Variants in UBE2D3 observed in about 807,000 individuals in gnomAD.
The protein encoded by UBE2D3 is ubiquitin conjugating enzyme E2 D3, also known as ubiquitin-conjugating enzyme E2 D3.
Under a neutral mutation model 22.8 loss-of-function variants are expected in UBE2D3, and 2 were observed. That is an observed-to-expected ratio of 0.09 (90% CI 0.04 to 0.28). UBE2D3 has a LOEUF of 0.28. UBE2D3 is among the 10% of genes least tolerant of loss of function. The probability of loss-of-function intolerance (pLI) is 1.00; values close to 1 mark genes in which losing one functional copy is unlikely to be tolerated. For missense variants in UBE2D3, 27 were observed against 182.5 expected, an observed-to-expected ratio of 0.15 and a Z score of 4.91; for synonymous variants, 56 against 60.4, an observed-to-expected ratio of 0.93 and a Z score of 0.34.
At chr4:102,857,585 A>T (rs183330570) in intron 1 of UBE2D3, among the ~76,000 whole-genome samples, 127 of 152,364 alleles carry the variant, frequency 8.3e-4, no homozygotes, top group African/African-American at 2.8e-3. Context: ...TAAAGTTAAC[A>T]TGACACAGAG....
upstream of UBE2D3, among the ~76,000 whole-genome samples, chr4:102,832,292 G>A (rs1578278388): frequency 1.3e-5 from 2 of 152,300 alleles, no homozygotes; most frequent in South Asian, 2.1e-4. Context: ...GCAGTATTGC[G>A]AGGTTGAGGT....
chr4:102,813,352 A>G (rs541677749), intron 2 of UBE2D3, among the ~76,000 whole-genome samples: 3 of 152,302 alleles, frequency 2.0e-5, no homozygotes, highest in Admixed American at 2.0e-4. Context: ...ATGTACAGCA[A>G]TTTGTTGAAC....
intron 1 of UBE2D3, among the ~76,000 whole-genome samples, chr4:102,868,072 C>CTT (rs11418599): frequency 0.028 from 3,271 of 115,196 alleles, 351 homozygotes; most frequent in African/African-American, 0.1. Context: ...GCTTTAGATT[C>CTT]TTTTTTTTTT....
At chr4:102,825,859 C>T in intron 2 of UBE2D3, 1 of 448,300 alleles carries the variant, frequency 2.2e-6, no homozygotes, top group South Asian at 1.6e-5. Context: ...AAAGCTGCAA[C>T]TACAAAATAC....
At chr4:102,838,431 A>G (rs1731545667) in intron 1 of UBE2D3, among the ~76,000 whole-genome samples, 1 of 152,132 alleles carries the variant, frequency 6.6e-6, no homozygotes, top group Admixed American at 6.5e-5. Flanking sequence ...CACAGATCAG[A>G]TCTCTGCCTG....
intron 1 of UBE2D3, among the ~76,000 whole-genome samples, chr4:102,845,342 T>A (rs1303696445): frequency 1.3e-5 from 2 of 152,208 alleles, no homozygotes; most frequent in Non-Finnish European, 2.9e-5. Context: ...ACTGGAAGTA[T>A]CTGGGGAACT....
In UBE2D3 at chr4:102,804,009, TC is replaced by T. The variant is rs1362899758; in HGVS notation, c.121-1372del. Among the ~76,000 whole-genome samples the T allele has an allele frequency of 3.3e-5, 5 of 152,236 alleles. No homozygotes were observed. The East Asian group carries it at 9.7e-4, about 30-fold the overall frequency. On this transcript the variant is annotated intron_variant, in intron 4 of 7. Coordinates refer to ENST00000453744, the MANE Select transcript of UBE2D3 (RefSeq NM_181891.3). ...GTCTTGCGGCCTCCTGACCTTGTGA[TC>T]CACCCATCTCGGCCTCCCAAAATGT...
chr4:102,820,065 C>A (rs1729357587), intron 2 of UBE2D3, among the ~76,000 whole-genome samples: 1 of 152,088 alleles, frequency 6.6e-6, no homozygotes, highest in Non-Finnish European at 1.5e-5. Flanking sequence ...GAGTAAGTGC[C>A]TTAAGAAATT....
At chr4:102,805,951 T>C (rs1343811285) in intron 4 of UBE2D3, among the ~76,000 whole-genome samples, 1 of 152,204 alleles carries the variant, frequency 6.6e-6, no homozygotes, top group Non-Finnish European at 1.5e-5. Context: ...AGTTATCAAG[T>C]AAGATCTTTA....
intron 2 of UBE2D3, among the ~76,000 whole-genome samples, chr4:102,821,963 T>C (rs1053624607): frequency 2.0e-5 from 3 of 151,552 alleles, no homozygotes; most frequent in African/African-American, 7.3e-5. Flanking sequence ...ATCTGAAACA[T>C]TTTTTTATCT....
intron 1 of UBE2D3, among the ~76,000 whole-genome samples, chr4:102,864,891 G>C (rs994025329): frequency 2.0e-5 from 3 of 152,176 alleles, no homozygotes; most frequent in Non-Finnish European, 2.9e-5. Flanking sequence ...CCTGATTTGA[G>C]ATAAGTGACA....
intron 4 of UBE2D3, among the ~76,000 whole-genome samples, chr4:102,804,902 C>CT (rs1726790503): frequency 6.6e-6 from 1 of 152,082 alleles, no homozygotes; most frequent in East Asian, 1.9e-4. Context: ...AGAGGCTGGT[C>CT]TCAAACTGCT....
chr4:102,804,480 T>C lies in UBE2D3; in HGVS notation c.121-1842A>G, dbSNP rs1183779819. 3.3e-5 allele frequency among the ~76,000 whole-genome samples: 5 copies of C among 152,006 alleles called. No homozygotes were observed. The East Asian group carries it at 7.7e-4, about 24-fold the overall frequency. On this transcript the variant is annotated intron_variant, in intron 4 of 7. Coordinates refer to ENST00000453744, the MANE Select transcript of UBE2D3 (RefSeq NM_181891.3). ...GTCCTTTTTCATATTTTCTACAAAA[T>C]ATGGAACTAGAAAAACACTCAGGTC...
intron 2 of UBE2D3, among the ~76,000 whole-genome samples, chr4:102,823,425 C>G (rs1400447307): frequency 6.6e-6 from 1 of 152,076 alleles, no homozygotes; most frequent in African/African-American, 2.4e-5. Flanking sequence ...AACCCTTTAC[C>G]CATGGTTTCC....
At chr4:102,865,674 C>T (rs929837879) in intron 1 of UBE2D3, among the ~76,000 whole-genome samples, 2 of 151,996 alleles carry the variant, frequency 1.3e-5, no homozygotes, top group African/African-American at 4.8e-5. Flanking sequence ...GAATTAGACT[C>T]CTAGAATTAA....
rs1725158567 is a variant in UBE2D3 at position 102,795,278 on chromosome 4, CAGTT to C, written c.*2133_*2136del. On this transcript the variant is annotated 3_prime_UTR_variant, in exon 8 of 8. Coordinates refer to ENST00000453744, the MANE Select transcript of UBE2D3 (RefSeq NM_181891.3). ...AGGCTATAAAGGTCAATTTGAAAGC[CAGTT>C]AGGGATCCACCGTGTTTCATAAAAG... 1 of 152,112 alleles carries C rather than the reference CAGTT, an allele frequency of 6.6e-6. No homozygotes were observed. The highest frequency in any genetic ancestry group is 1.9e-4 in the East Asian group (1 of 5,184). The allele number at this position is 152,112 out of a possible 1,614,324, so 9.4% of individuals were successfully genotyped here.
chr4:102,845,054 C>G lies in UBE2D3; in HGVS notation c.-128-18418G>C, dbSNP rs560331240. On this transcript the variant is annotated intron_variant, in intron 1 of 7. Transcript: ENST00000338145. Reference sequence around the variant, plus strand: ...AAAAAAAAAAAAGAATTCTACCCAGCCTGGCCAATATGACGAAACCCCATC... The same window carrying G: ...AAAAAAAAAAAAGAATTCTACCCAGGCTGGCCAATATGACGAAACCCCATC... 2.0e-5 allele frequency among the ~76,000 whole-genome samples: 3 copies of G among 148,506 alleles called. No individual in the cohort carries two copies. In the South Asian group the frequency reaches 6.4e-4, roughly 32 times the overall value.
intron 1 of UBE2D3, chr4:102,827,015 G>A (rs1302740090): frequency 2.0e-6 from 2 of 994,172 alleles, no homozygotes; most frequent in Non-Finnish European, 2.4e-6. Context: ...GACTCCGGAC[G>A]GACGCCGGGC....
chr4:102,866,840 C>T (rs1406726808), intron 1 of UBE2D3, among the ~76,000 whole-genome samples: 1 of 152,090 alleles, frequency 6.6e-6, no homozygotes, highest in Non-Finnish European at 1.5e-5. Flanking sequence ...TCCAACCTAC[C>T]CCTACCTCAA....
Sources: allele counts gnomAD v4.1 joint callset (sites outside exome capture counted in the v4.1 genomes callset), GRCh38; gene constraint gnomAD v4.1.1; transcripts MANE v1.5; gene names NCBI Gene and HGNC (gene_info 2026-07-23, HGNC 2026-07-21).